The following TSHZ2 variants were observed in gnomAD, a reference collection of about 807,000 sequenced individuals.
TSHZ2 encodes the protein teashirt homolog 2.
Under a neutral mutation model 74.4 loss-of-function variants are expected in TSHZ2, and 21 were observed. The observed-to-expected ratio is 0.28, with a 90% confidence interval of 0.20 to 0.41. The LOEUF is 0.41. Ranked by LOEUF, TSHZ2 falls within the 10% of genes least tolerant of loss-of-function variation. The probability of loss-of-function intolerance (pLI) is 1.00; values close to 1 mark genes in which losing one functional copy is unlikely to be tolerated. For missense variants in TSHZ2, 1,244 were observed against 1,293.5 expected, an observed-to-expected ratio of 0.96 and a Z score of 0.59; for synonymous variants, 540 against 515.3, an observed-to-expected ratio of 1.05 and a Z score of -0.65.
At chr20:53,455,344 G>C (rs1287228083) in intron 2 of TSHZ2, 1 of 152,100 alleles carries the variant, frequency 6.6e-6, no homozygotes, top group African/African-American at 2.4e-5. Flanking sequence ...GGTCCTATCT[G>C]TCTTGTTCCT....
chr20:53,450,680 T>C (rs1984742899), intron 2 of TSHZ2, among the ~76,000 whole-genome samples: 2 of 152,226 alleles, frequency 1.3e-5, no homozygotes, highest in African/African-American at 4.8e-5. Flanking sequence ...TGTGCCACCA[T>C]ACCTGGCTTT....
intron 2 of TSHZ2, among the ~76,000 whole-genome samples, chr20:53,319,341 T>A (rs947111619): frequency 3.9e-5 from 6 of 152,256 alleles, no homozygotes. Flanking sequence ...ACTTTGTATA[T>A]GCATTAAATG....
Position 53,309,334 on chromosome 20 carries a change from G to A in TSHZ2, c.*8+52763G>A, listed in dbSNP as rs189948241. On this transcript the variant is annotated intron_variant, in intron 2 of 2. Transcript: ENST00000371497. ...TTTTAGGATATTAGCTCTTGTTTCT[G>A]CCCTCCCACCCCACTTCTATACCAA... 7.2e-5 allele frequency among the ~76,000 whole-genome samples: 11 copies of A among 152,214 alleles called. No homozygotes were observed. The East Asian group carries it at 2.1e-3, about 29-fold the overall frequency.
At chr20:53,328,129 A>G (rs1346420186) in intron 2 of TSHZ2, among the ~76,000 whole-genome samples, 2 of 152,192 alleles carry the variant, frequency 1.3e-5, no homozygotes, top group Non-Finnish European at 2.9e-5. Context: ...GCTCACCCTT[A>G]GAGTCCAACA....
chr20:53,084,357 C>T (rs969342326), intron 1 of TSHZ2, among the ~76,000 whole-genome samples: 1 of 152,060 alleles, frequency 6.6e-6, no homozygotes, highest in Admixed American at 6.5e-5. Context: ...TTAGTTTTGT[C>T]GGGGTTTTTT....
At chr20:52,983,571 T>G (rs1276058641) in intron 1 of TSHZ2, among the ~76,000 whole-genome samples, 1 of 152,222 alleles carries the variant, frequency 6.6e-6, no homozygotes, top group Non-Finnish European at 1.5e-5. Flanking sequence ...CTTTCATAGG[T>G]CTAAAACTTT....
intron 1 of TSHZ2, among the ~76,000 whole-genome samples, chr20:52,978,167 G>A (rs1981417442): frequency 6.6e-6 from 1 of 152,118 alleles, no homozygotes; most frequent in Non-Finnish European, 1.5e-5. Context: ...TACCTGAGTT[G>A]ATCTGTTTCT....
At chr20:53,057,651 G>A (rs1984686264) in intron 1 of TSHZ2, among the ~76,000 whole-genome samples, 3 of 152,140 alleles carry the variant, frequency 2.0e-5, no homozygotes, top group Admixed American at 2.0e-4. Flanking sequence ...AGGCCCAGGA[G>A]AAGCTGGTAT....
intron 2 of TSHZ2, among the ~76,000 whole-genome samples, chr20:53,295,488 T>C (rs2145468694): frequency 6.6e-6 from 1 of 152,322 alleles, no homozygotes; most frequent in Admixed American, 6.5e-5. Flanking sequence ...AAATGTTAGC[T>C]ATTATCATCA....
intron 1 of TSHZ2, among the ~76,000 whole-genome samples, chr20:53,017,891 T>TA (rs1983099327): frequency 6.6e-6 from 1 of 152,204 alleles, no homozygotes; most frequent in South Asian, 2.1e-4. Flanking sequence ...ACTATGTAAC[T>TA]TTCATGGGAT....
intron 2 of TSHZ2, among the ~76,000 whole-genome samples, chr20:53,378,166 C>T (rs1163024825): frequency 6.6e-6 from 1 of 151,832 alleles, no homozygotes; most frequent in African/African-American, 2.4e-5. Context: ...ATGGTGAAAC[C>T]CCATCTCTAA....
At chr20:53,163,472 C>T (rs1219659235) in intron 1 of TSHZ2, among the ~76,000 whole-genome samples, 1 of 136,706 alleles carries the variant, frequency 7.3e-6, no homozygotes, top group Non-Finnish European at 1.5e-5. Context: ...TTTTATTATA[C>T]TCTAAGTTTT....
chr20:53,078,000 A>G (rs1198630533), intron 1 of TSHZ2, among the ~76,000 whole-genome samples: 6 of 152,210 alleles, frequency 3.9e-5, no homozygotes, highest in Non-Finnish European at 8.8e-5. Context: ...TACCTTTTAG[A>G]TGTTTAGAAT....
intron 2 of TSHZ2, among the ~76,000 whole-genome samples, chr20:53,274,458 A>G (rs893298961): frequency 6.6e-6 from 1 of 151,872 alleles, no homozygotes; most frequent in Admixed American, 6.6e-5. Flanking sequence ...TCTGTGGGAG[A>G]TTTACTGGAG....
chr20:52,997,011 G>T (rs554545205), intron 1 of TSHZ2, among the ~76,000 whole-genome samples: 3 of 151,486 alleles, frequency 2.0e-5, no homozygotes, highest in Non-Finnish European at 4.4e-5. Context: ...GCTCAAGCAC[G>T]AGGGGGTGGC....
At chr20:53,370,154 A>G (rs1981414901) in intron 2 of TSHZ2, among the ~76,000 whole-genome samples, 1 of 152,070 alleles carries the variant, frequency 6.6e-6, no homozygotes, top group South Asian at 2.1e-4. Context: ...AGGAATTTCT[A>G]TTTCTGGGTT....
intron 2 of TSHZ2, among the ~76,000 whole-genome samples, chr20:53,262,462 T>C (rs968858034): frequency 1.3e-5 from 2 of 152,238 alleles, no homozygotes; most frequent in African/African-American, 4.8e-5. Context: ...TTATAATTAC[T>C]GTCATAGACT....
intron 1 of TSHZ2, among the ~76,000 whole-genome samples, chr20:53,113,243 T>G (rs1986581913): frequency 6.6e-6 from 1 of 152,240 alleles, no homozygotes; most frequent in Non-Finnish European, 1.5e-5. Flanking sequence ...GAGAACGCAG[T>G]AAGAATGATG....
intron 2 of TSHZ2, among the ~76,000 whole-genome samples, chr20:53,369,893 A>T (rs1440106760): frequency 1.3e-5 from 2 of 152,214 alleles, no homozygotes; most frequent in Admixed American, 1.3e-4. Flanking sequence ...GTTTTCCACT[A>T]CACTGGTGAT....
Sources: gnomAD v4.1 joint callset for allele counts (sites outside exome capture counted in the v4.1 genomes callset) on GRCh38, gnomAD v4.1.1 for gene constraint, MANE v1.5 for transcripts, NCBI Gene and HGNC (gene_info 2026-07-23, HGNC 2026-07-21) for gene names.